BLK: variants seen among roughly 807,000 people sequenced by gnomAD.
The protein encoded by BLK is tyrosine-protein kinase Blk.
A neutral mutation model predicts 61.8 loss-of-function variants in BLK; 64 were observed. The observed-to-expected ratio is 1.03, with a 90% CI of 0.85 to 1.27. The LOEUF (loss-of-function observed/expected upper bound fraction) is 1.27. Ranked by LOEUF, BLK falls within the 50% of genes most tolerant of loss-of-function variation. BLK has a pLI of 0.00. For missense variants in BLK, 853 were observed against 660.5 expected (o/e 1.29, Z -3.19); for synonymous variants, 351 against 272.0 (o/e 1.29, Z -2.86).
intron 5 of BLK, among the ~76,000 whole-genome samples, chr8:11,549,323 C>G (rs1006152364): frequency 6.6e-6 from 1 of 152,180 alleles, no homozygotes; most frequent in Non-Finnish European, 1.5e-5. Flanking sequence ...TGACACTGAG[C>G]AAGCCGCTCT....
intron 1 of BLK, 135 bp from the exon 2 acceptor site, chr8:11,543,088 CT>C (rs991772519): frequency 7.2e-6 from 10 of 1,386,452 alleles, no homozygotes; most frequent in African/African-American, 1.4e-5. Flanking sequence ...CACGTTCTGA[CT>C]TTGAGGTCTT....
rs185041943 is a variant in BLK at position 11,543,915 on chromosome 8, T to C, written c.123+568T>C. Among the ~76,000 whole-genome samples, 7 of 152,314 alleles carry C rather than the reference T, an allele frequency of 4.6e-5. No individual in the cohort carries two copies. The East Asian group carries it at 1.3e-3, about 29-fold the overall frequency. On this transcript the variant is annotated intron_variant, in intron 2 of 12. Coordinates refer to ENST00000259089, the MANE Select transcript of BLK (RefSeq NM_001715.3). ...TTTCCTAGTCATGCAGTTTGATTTG[T>C]TTATAAAACACTTAGCTCCTTTTGA...
chr8:11,523,239 C>T (rs1310579438), intron 1 of BLK, among the ~76,000 whole-genome samples: 1 of 151,996 alleles, frequency 6.6e-6, no homozygotes, highest in African/African-American at 2.4e-5. Context: ...TAATACATAC[C>T]ATGCTGTAAT....
chr8:11,520,764 C>G (rs1262580226), intron 1 of BLK, among the ~76,000 whole-genome samples: 1 of 152,084 alleles, frequency 6.6e-6, no homozygotes, highest in Non-Finnish European at 1.5e-5. Flanking sequence ...AAAGGCATAA[C>G]AGATGATCTG....
intron 11 of BLK, 97 bp downstream of exon 11, chr8:11,561,549 A>C: frequency 6.9e-7 from 1 of 1,441,758 alleles, no homozygotes; most frequent in Non-Finnish European, 9.5e-7. Context: ...CCCTGAGGGA[A>C]GACACCTGAG....
intron 1 of BLK, among the ~76,000 whole-genome samples, chr8:11,515,271 C>T (rs1396973750): frequency 6.6e-6 from 1 of 152,164 alleles, no homozygotes; most frequent in Non-Finnish European, 1.5e-5. Context: ...CTGTGCCACT[C>T]CCGGCTGAGG....
chr8:11,506,922 C>A (rs752305113), intron 1 of BLK, among the ~76,000 whole-genome samples: 1 of 152,196 alleles, frequency 6.6e-6, no homozygotes, highest in South Asian at 2.1e-4. Context: ...ATCTGCATCA[C>A]GGGCTGAAAG....
intron 6 of BLK, chr8:11,554,207 G>C: frequency 6.0e-6 from 1 of 166,096 alleles, no homozygotes; most frequent in Non-Finnish European, 1.3e-5. Context: ...CATTAACCTA[G>C]AAGACAAAAT....
chr8:11,543,462 C>T, intron 2 of BLK, 115 bp downstream of exon 2: 1 of 1,406,826 alleles, frequency 7.1e-7, no homozygotes. Flanking sequence ...ATGTAACGAT[C>T]TGCAATGTAT....
intron 12 of BLK, among the ~76,000 whole-genome samples, chr8:11,563,375 C>G (rs966860419): frequency 6.6e-6 from 1 of 152,240 alleles, no homozygotes; most frequent in African/African-American, 2.4e-5. Flanking sequence ...CATCCGAACT[C>G]AAGTTTACTC....
chr8:11,522,787 T>G (rs188448405), intron 1 of BLK, among the ~76,000 whole-genome samples: 1 of 152,096 alleles, frequency 6.6e-6, no homozygotes, highest in East Asian at 1.9e-4. Flanking sequence ...TATGAAGCCA[T>G]TTTTAAAAGT....
At chr8:11,529,591 C>G (rs1799806962) in intron 1 of BLK, among the ~76,000 whole-genome samples, 1 of 152,132 alleles carries the variant, frequency 6.6e-6, no homozygotes, top group Non-Finnish European at 1.5e-5. Flanking sequence ...TGCATGACTC[C>G]TAAATCATAA....
chr8:11,561,326 G>A lies in BLK; in HGVS notation c.1054G>A (p.Glu352Lys). The change falls in exon 11 of 13, where the codon GAG becomes AAG. Residue 352 changes from glutamate to lysine, a missense_variant. Transcript: ENST00000259089. ...GATTGCTGAAGGGATGGCATACATT[G>A]AGCGCATGAATTCCATCCACCGCGA... is the stretch of plus-strand genomic sequence containing the variant. Reference protein sequence around the residue: ...AQIAEGMAYIERMNSIHRDLR... With the variant: ...AQIAEGMAYIKRMNSIHRDLR... 1 of 1,613,914 alleles carries A rather than the reference G, an allele frequency of 6.2e-7. No homozygotes were observed. Among genetic ancestry groups the A allele is most frequent in the Non-Finnish European group, 8.5e-7 (1 of 1,179,904 alleles).
chr8:11,550,901 C>G (rs1800868257), intron 6 of BLK, among the ~76,000 whole-genome samples: 1 of 152,128 alleles, frequency 6.6e-6, no homozygotes, highest in Non-Finnish European at 1.5e-5. Flanking sequence ...ATGTGTAATT[C>G]TAAATCATAT....
At chr8:11,532,033 A>G (rs551033767) in intron 1 of BLK, among the ~76,000 whole-genome samples, 1 of 151,858 alleles carries the variant, frequency 6.6e-6, no homozygotes, top group East Asian at 1.9e-4. Flanking sequence ...TAGTTTTTGC[A>G]TTTTTAGTAG....
intron 1 of BLK, among the ~76,000 whole-genome samples, chr8:11,494,872 T>A (rs1798307452): frequency 6.6e-6 from 1 of 152,146 alleles, no homozygotes; most frequent in Non-Finnish European, 1.5e-5. Flanking sequence ...AGAAGGGACG[T>A]GGGATGTAGA....
At position 11,496,440 on chromosome 8, in the gene BLK, G is replaced by A. The variant is rs558001586; in HGVS notation, c.-2+1849G>A. On this transcript the variant is annotated intron_variant, in intron 1 of 12. Coordinates refer to ENST00000259089, the MANE Select transcript of BLK (RefSeq NM_001715.3). ...TTATTTTTTGAAGAGATGGGGTCTC[G>A]CTTTGTTGCCTGGGCTGATCTCCAA... Among the ~76,000 whole-genome samples, 38 of 152,234 alleles carry A rather than the reference G, an allele frequency of 2.5e-4. 1 individual carries two copies. In the South Asian group the frequency reaches 7.5e-3, roughly 30 times the overall value.
intron 1 of BLK, among the ~76,000 whole-genome samples, chr8:11,540,215 G>A (rs1800315480): frequency 6.6e-6 from 1 of 151,560 alleles, no homozygotes; most frequent in African/African-American, 2.4e-5. Flanking sequence ...AATATCATGT[G>A]AGGTAGGGGT....
At chr8:11,518,741 C>G (rs1405154828) in intron 1 of BLK, among the ~76,000 whole-genome samples, 1 of 152,122 alleles carries the variant, frequency 6.6e-6, no homozygotes, top group Admixed American at 6.5e-5. Flanking sequence ...GAAAGAAATC[C>G]CAACCCTTCC....
Sources: gnomAD v4.1 joint callset for allele counts (sites outside exome capture counted in the v4.1 genomes callset) on GRCh38, gnomAD v4.1.1 for gene constraint, MANE v1.5 for transcripts, NCBI Gene and HGNC (gene_info 2026-07-23, HGNC 2026-07-21) for gene names.